The following ZNF618 variants were observed in gnomAD, a reference collection of about 807,000 sequenced individuals.
ZNF618 encodes the protein zinc finger protein 618.
Under a neutral mutation model 103.0 loss-of-function variants are expected in ZNF618, and 34 were observed. The observed-to-expected ratio is 0.33, with a 90% CI of 0.25 to 0.44. The LOEUF (loss-of-function observed/expected upper bound fraction) is 0.44, where lower values mean the gene tolerates loss of function less well. ZNF618 is among the 20% of genes least tolerant of loss of function. ZNF618 has a pLI of 1.00. For missense variants in ZNF618, 1,059 were observed against 1,295.4 expected, an observed-to-expected ratio of 0.82 and a Z score of 2.80; for synonymous variants, 551 against 542.2, an observed-to-expected ratio of 1.02 and a Z score of -0.23.
chr9:113,882,511 T>A (rs949083079), intron 1 of ZNF618, among the ~76,000 whole-genome samples: 5 of 152,200 alleles, frequency 3.3e-5, no homozygotes, highest in South Asian at 2.1e-4. Context: ...TAAGTCCCAC[T>A]GACAACACTT....
chr9:113,902,039 A>T (rs569767788), intron 1 of ZNF618, among the ~76,000 whole-genome samples: 2 of 152,086 alleles, frequency 1.3e-5, no homozygotes, highest in South Asian at 4.2e-4. Flanking sequence ...ACTTTCTGTG[A>T]TTCTGAGAAG....
At chr9:113,922,137 CTG>C (rs1017106871) in intron 1 of ZNF618, among the ~76,000 whole-genome samples, 1 of 152,232 alleles carries the variant, frequency 6.6e-6, no homozygotes, top group Non-Finnish European at 1.5e-5. Context: ...AACTCCTACT[CTG>C]TGTGTGATCC....
At position 114,028,782 on chromosome 9, in the gene ZNF618, G is replaced by A; in HGVS notation, c.894G>A (p.Glu298=). ...EPPDDPDTGS[E]CSHPEVSPSP... Reference sequence around the variant, plus strand: ...CGGATGATCCAGACACGGGCTCTGAGTGTTCACATCCAGAGGTCTCCCCAT... The same window carrying A: ...CGGATGATCCAGACACGGGCTCTGAATGTTCACATCCAGAGGTCTCCCCAT... The change falls in exon 11 of 15, where the codon GAG becomes GAA. Residue 298 remains glutamate, a synonymous_variant. Transcript: ENST00000374126. 6.4e-7 allele frequency: 1 copy of A among 1,550,596 alleles called. No individual in the cohort carries two copies. The highest frequency in any genetic ancestry group is 8.7e-7 in the Non-Finnish European group (1 of 1,146,992).
chr9:113,943,435 T>C (rs1265794160), intron 1 of ZNF618, among the ~76,000 whole-genome samples: 1 of 152,104 alleles, frequency 6.6e-6, no homozygotes, highest in African/African-American at 2.4e-5. Flanking sequence ...CAGCTCTATA[T>C]CCTGAGCTCT....
intron 2 of ZNF618, among the ~76,000 whole-genome samples, chr9:113,970,241 T>C (rs2132823688): frequency 6.6e-6 from 1 of 152,206 alleles, no homozygotes; most frequent in Non-Finnish European, 1.5e-5. Context: ...TTTTTTGACG[T>C]TCATTGCATT....
intron 6 of ZNF618, among the ~76,000 whole-genome samples, chr9:114,006,716 A>G (rs1841788396): frequency 6.6e-6 from 1 of 152,178 alleles, no homozygotes; most frequent in Non-Finnish European, 1.5e-5. Flanking sequence ...GGCTGCAGGC[A>G]TGGACTTGGC....
chr9:114,032,863 G>A, intron 12 of ZNF618, 135 bp downstream of exon 12: 4 of 784,384 alleles, frequency 5.1e-6, no homozygotes, highest in Non-Finnish European at 8.8e-6. Flanking sequence ...GAGGCTGGGA[G>A]CAGGGAATTA....
At chr9:113,970,871 T>C (rs1003817699) in intron 2 of ZNF618, among the ~76,000 whole-genome samples, 9 of 149,522 alleles carry the variant, frequency 6.0e-5, no homozygotes, top group African/African-American at 2.2e-4. Flanking sequence ...GCCAGCTCCA[T>C]TGGCAGAGAA....
intron 10 of ZNF618, 168 bp from the exon 11 acceptor site, chr9:114,028,565 C>G (rs1173258608): frequency 9.3e-7 from 1 of 1,077,836 alleles, no homozygotes; most frequent in East Asian, 2.6e-5. Context: ...TTCCAGACTC[C>G]TGGACTTTCT....
At chr9:113,983,209 G>T (rs2133175525) in intron 2 of ZNF618, among the ~76,000 whole-genome samples, 1 of 152,062 alleles carries the variant, frequency 6.6e-6, no homozygotes, top group African/African-American at 2.4e-5. Context: ...TTAAAATAAT[G>T]AGCTCTATTT....
At chr9:113,976,735 T>A (rs1428116177) in intron 2 of ZNF618, among the ~76,000 whole-genome samples, 1 of 152,196 alleles carries the variant, frequency 6.6e-6, no homozygotes, top group Non-Finnish European at 1.5e-5. Context: ...CTACTTCCAT[T>A]TATGAGTACT....
At chr9:114,017,334 C>T (rs1842730448) in intron 10 of ZNF618, among the ~76,000 whole-genome samples, 1 of 152,094 alleles carries the variant, frequency 6.6e-6, no homozygotes, top group African/African-American at 2.4e-5. Flanking sequence ...TGACCTGGGG[C>T]AGGCTGCGTC....
chr9:113,947,874 C>A (rs1482498710), intron 1 of ZNF618, among the ~76,000 whole-genome samples: 1 of 152,138 alleles, frequency 6.6e-6, no homozygotes, highest in African/African-American at 2.4e-5. Flanking sequence ...TGCAAGAAAA[C>A]CACAGCTGCC....
At chr9:113,913,868 G>T (rs1313437025) in intron 1 of ZNF618, among the ~76,000 whole-genome samples, 2 of 152,142 alleles carry the variant, frequency 1.3e-5, no homozygotes, top group Non-Finnish European at 2.9e-5. Flanking sequence ...CTGAAATGTG[G>T]CTCAGGCTGT....
chr9:114,035,656 A>G (rs926516671), intron 12 of ZNF618, among the ~76,000 whole-genome samples: 1 of 148,152 alleles, frequency 6.7e-6, no homozygotes, highest in Non-Finnish European at 1.5e-5. Context: ...TCTGCCAGGC[A>G]CTGACGTGAG....
intron 2 of ZNF618, among the ~76,000 whole-genome samples, chr9:113,975,960 G>C (rs913667412): frequency 3.3e-5 from 5 of 152,138 alleles, no homozygotes; most frequent in Non-Finnish European, 7.4e-5. Flanking sequence ...CTAAATTGCA[G>C]GTTGAATGGG....
At chr9:113,960,740 GGACGGTCT>G (rs1321322896) in intron 1 of ZNF618, among the ~76,000 whole-genome samples, 5 of 152,210 alleles carry the variant, frequency 3.3e-5, no homozygotes, top group Non-Finnish European at 7.3e-5. Flanking sequence ...CCTGGTTTGG[GGACGGTCT>G]TCACATTTCT....
intron 1 of ZNF618, among the ~76,000 whole-genome samples, chr9:113,950,903 G>A (rs1405985706): frequency 6.6e-6 from 1 of 151,632 alleles, no homozygotes; most frequent in Non-Finnish European, 1.5e-5. Flanking sequence ...AGGAACCCTG[G>A]TGTGGCCGGA....
intron 13 of ZNF618, among the ~76,000 whole-genome samples, chr9:114,040,601 A>G (rs942516835): frequency 9.2e-5 from 14 of 151,904 alleles, no homozygotes; most frequent in African/African-American, 2.9e-4. Context: ...TGTCTTTGTG[A>G]TAGTTTGCTG....
Sources: gnomAD v4.1 joint callset for allele counts (sites outside exome capture counted in the v4.1 genomes callset) on GRCh38, gnomAD v4.1.1 for gene constraint, MANE v1.5 for transcripts, NCBI Gene and HGNC (gene_info 2026-07-23, HGNC 2026-07-21) for gene names.